NUAK1: variants seen among roughly 807,000 people sequenced by gnomAD.
NUAK1 encodes the protein NUAK family kinase 1.
NUAK1 carries 26 observed loss-of-function variants against 56.9 expected under a neutral mutation model. That is an observed-to-expected ratio of 0.46 (90% CI 0.33 to 0.63). The LOEUF (loss-of-function observed/expected upper bound fraction) is 0.63, where lower values mean the gene tolerates loss of function less well. Among genes scored for constraint, NUAK1 ranks in the 30% least tolerant of loss-of-function variants. The probability of loss-of-function intolerance (pLI) is 0.02; values close to 1 mark genes in which losing one functional copy is unlikely to be tolerated. For synonymous variants in NUAK1, 337 were observed against 336.0 expected (o/e 1.00, Z -0.03); for missense variants, 727 against 876.1 (o/e 0.83, Z 2.15).
chr12:106,108,122 G>T (rs1460910586), intron 1 of NUAK1, among the ~76,000 whole-genome samples: 1 of 152,074 alleles, frequency 6.6e-6, no homozygotes, highest in African/African-American at 2.4e-5. Context: ...GGGGAGGGTT[G>T]CTGTTATTAA....
chr12:106,067,430 T>C lies in NUAK1; in HGVS notation c.1358A>G (p.Lys453Arg), dbSNP rs747568443. The C allele has an allele frequency of 1.3e-5, 21 of 1,614,054 alleles. No individual in the cohort carries two copies. The highest frequency in any genetic ancestry group is 1.8e-5 in the Non-Finnish European group (21 of 1,180,036). Residue 453 changes from lysine (K) to arginine (R), a missense_variant, in exon 7 of 7, where the codon AAA (lysine) becomes AGA (arginine). Transcript: ENST00000261402. The surrounding 1 kb of genome is among the most constrained non-coding windows in gnomAD (Gnocchi z 6.0). ...PSSPEAEVPG[K>R]LSPKQSATMP... ...CGTGGCCGACTGCTTGGGGCTGAGT[T>C]TTCCCGGCACCTCTGCCTCTGGTGA... is the stretch of plus-strand genomic sequence containing the variant.
intron 1 of NUAK1, among the ~76,000 whole-genome samples, chr12:106,113,312 G>A (rs768754398): frequency 7.2e-5 from 11 of 152,146 alleles, no homozygotes; most frequent in East Asian, 1.9e-4. Context: ...AAAGGCCACC[G>A]GAAAGTTCGT....
chr12:106,126,733 C>G (rs1034981684), intron 1 of NUAK1, among the ~76,000 whole-genome samples: 1 of 152,214 alleles, frequency 6.6e-6, no homozygotes, highest in African/African-American at 2.4e-5. Flanking sequence ...GTCTTTTCCT[C>G]ATCCCTGGAA....
Position 106,066,959 on chromosome 12 carries a change from A to C in NUAK1, c.1829T>G (p.Ile610Ser). ...GTTCTGGAGCCCCTCAAAGTCCTGG[A>C]TCTGGAGGAAGTTTTCTGCAGAGAC... Reference protein sequence around the residue: ...SCVSAENFLQIQDFEGLQNRP... With the variant: ...SCVSAENFLQSQDFEGLQNRP... Residue 610 changes from isoleucine to serine, a missense_variant, in exon 7 of 7, where the codon ATC becomes AGC. Ile to Ser is a moderately radical substitution (Grantham distance 142, BLOSUM62 -2). Coordinates refer to ENST00000261402, the MANE Select transcript of NUAK1 (RefSeq NM_014840.3). 6.2e-7 allele frequency: 1 copy of C among 1,614,172 alleles called. No individual in the cohort carries two copies. Among genetic ancestry groups the C allele is most frequent in the Non-Finnish European group, 8.5e-7 (1 of 1,180,030 alleles).
intron 1 of NUAK1, among the ~76,000 whole-genome samples, chr12:106,133,464 A>G (rs953055444): frequency 6.6e-6 from 1 of 152,168 alleles, no homozygotes; most frequent in Admixed American, 6.5e-5. Context: ...AAGGTTCTCA[A>G]TTCCTCTAGC....
chr12:106,068,903 A>G (rs1390785673), intron 6 of NUAK1, among the ~76,000 whole-genome samples: 1 of 152,226 alleles, frequency 6.6e-6, no homozygotes, highest in Non-Finnish European at 1.5e-5. Context: ...ACCCCTGAAA[A>G]GTACCAAGAT....
intron 2 of NUAK1, among the ~76,000 whole-genome samples, chr12:106,093,445 C>T (rs2032657056): frequency 6.6e-6 from 1 of 152,202 alleles, no homozygotes; most frequent in Admixed American, 6.5e-5. Flanking sequence ...TTGACAGTCC[C>T]GTTCTGCCCT....
chr12:106,111,819 T>G (rs2032861741), intron 1 of NUAK1, among the ~76,000 whole-genome samples: 1 of 151,242 alleles, frequency 6.6e-6, no homozygotes, highest in African/African-American at 2.4e-5. Flanking sequence ...CCTTATCTCA[T>G]TTAAGCCTAC....
chr12:106,123,201 C>T (rs950898557), intron 1 of NUAK1, among the ~76,000 whole-genome samples: 54 of 152,174 alleles, frequency 3.5e-4, no homozygotes, highest in Non-Finnish European at 4.7e-4. Context: ...TGCTCAGAGA[C>T]ATAATACTTT....
chr12:106,078,368 T>A (rs1397283305), intron 4 of NUAK1, among the ~76,000 whole-genome samples: 1 of 152,236 alleles, frequency 6.6e-6, no homozygotes, highest in Non-Finnish European at 1.5e-5. Context: ...ATTATCCTTA[T>A]TTTGCAGATA....
intron 1 of NUAK1, among the ~76,000 whole-genome samples, chr12:106,123,210 T>G (rs1215604): frequency 0.38 from 57,290 of 152,044 alleles, 13,080 homozygotes; most frequent in South Asian, 0.49. Context: ...ACATAATACT[T>G]TATAGATCAT....
chr12:106,134,559 C>A (rs988112112), intron 1 of NUAK1, among the ~76,000 whole-genome samples: 1 of 152,220 alleles, frequency 6.6e-6, no homozygotes, highest in Non-Finnish European at 1.5e-5. Flanking sequence ...CACACCACAC[C>A]ACCTACTGCT....
At chr12:106,118,400 G>T (rs192780084) in intron 1 of NUAK1, among the ~76,000 whole-genome samples, 69 of 152,336 alleles carry the variant, frequency 4.5e-4, no homozygotes, top group Non-Finnish European at 1.5e-4. Context: ...ATGGAAATAT[G>T]TGGTAAGGAA....
At chr12:106,132,559 G>C (rs1005635390) in intron 1 of NUAK1, among the ~76,000 whole-genome samples, 14 of 152,312 alleles carry the variant, frequency 9.2e-5, no homozygotes, top group African/African-American at 3.4e-4. Flanking sequence ...TGCAGGCAGG[G>C]AAGTGAACCA....
chr12:106,078,068 G>A (rs1405898998), intron 4 of NUAK1, among the ~76,000 whole-genome samples: 1 of 152,186 alleles, frequency 6.6e-6, no homozygotes, highest in Non-Finnish European at 1.5e-5. Flanking sequence ...GATTAAACAA[G>A]AAAAGAATTA....
intron 2 of NUAK1, among the ~76,000 whole-genome samples, chr12:106,101,295 C>T (rs1292641846): frequency 6.6e-6 from 1 of 152,164 alleles, no homozygotes; most frequent in East Asian, 1.9e-4. Flanking sequence ...ACCAGGAGAC[C>T]CATATGTCAG....
At chr12:106,091,721 G>A (rs890450416) in intron 2 of NUAK1, among the ~76,000 whole-genome samples, 1 of 152,174 alleles carries the variant, frequency 6.6e-6, no homozygotes, top group African/African-American at 2.4e-5. Flanking sequence ...CTGGACCTGT[G>A]AAATTGTCTG....
chr12:106,105,141 A>G (rs1192284194), intron 2 of NUAK1, among the ~76,000 whole-genome samples: 1 of 151,876 alleles, frequency 6.6e-6, no homozygotes, highest in Non-Finnish European at 1.5e-5. Flanking sequence ...TTTAGTAGAG[A>G]CGGGTTTCAC....
Position 106,067,387 on chromosome 12 carries a change from G to A in NUAK1, c.1401C>T (p.Ile467=). 6.2e-7 allele frequency: 1 copy of A among 1,614,182 alleles called. No homozygotes were observed. The highest frequency in any genetic ancestry group is 8.5e-7 in the Non-Finnish European group (1 of 1,180,038). Residue 467 remains isoleucine, a synonymous_variant, in exon 7 of 7, where the codon ATC becomes ATT. Coordinates refer to ENST00000261402, the MANE Select transcript of NUAK1 (RefSeq NM_014840.3). The surrounding 1 kb of genome is among the most constrained non-coding windows in gnomAD (Gnocchi z 6.0). ...KQSATMPKKG[I]LKKTQQRESG... ...ATTCTCTCTGCTGGGTCTTTTTCAA[G>A]ATGCCTTTCTTGGGCATCGTGGCCG...
Sources: gnomAD v4.1 joint callset for allele counts (sites outside exome capture counted in the v4.1 genomes callset) on GRCh38, gnomAD v4.1.1 for gene constraint, Gnocchi (gnomAD v3.1) non-coding constraint, MANE v1.5 for transcripts, NCBI Gene and HGNC (gene_info 2026-07-23, HGNC 2026-07-21) for gene names.